Variants in CUX1 observed in about 807,000 individuals in gnomAD.
CUX1 encodes the protein cut like homeobox 1.
A neutral mutation model predicts 158.8 loss-of-function variants in CUX1; 31 were observed. That is an observed-to-expected ratio of 0.20 (90% CI 0.15 to 0.26). CUX1 has a LOEUF of 0.26. Among genes scored for constraint, CUX1 ranks in the 10% least tolerant of loss-of-function variants. The pLI is 1.00. For synonymous variants in CUX1, 879 were observed against 862.1 expected, an observed-to-expected ratio of 1.02 and a Z score of -0.34; for missense variants, 1,589 against 2,014.6, an observed-to-expected ratio of 0.79 and a Z score of 4.04.
In CUX1 at chr7:102,228,996, G is replaced by A. The variant is rs574214897; in HGVS notation, c.3433+1327G>A. Reference sequence around the variant, plus strand: ...CCCTCCACGAAACTGGAGTAACCACGCCTGCCTGGGAGCAGTGAGTAGCAG... The same window carrying A: ...CCCTCCACGAAACTGGAGTAACCACACCTGCCTGGGAGCAGTGAGTAGCAG... On this transcript the variant is annotated intron_variant, in intron 21 of 23. Transcript: ENST00000292535. 5.9e-5 allele frequency among the ~76,000 whole-genome samples: 9 copies of A among 152,300 alleles called. No homozygotes were observed. In the East Asian group the frequency reaches 1.7e-3, roughly 29 times the overall value.
intron 9 of CUX1, among the ~76,000 whole-genome samples, chr7:102,164,494 C>T (rs879982172): frequency 2.6e-5 from 4 of 152,212 alleles, no homozygotes; most frequent in Admixed American, 1.3e-4. Context: ...TCTTCCTGTT[C>T]ACCTGCCTGG....
At chr7:101,934,607 G>A (rs567931544) in intron 2 of CUX1, among the ~76,000 whole-genome samples, 3 of 152,238 alleles carry the variant, frequency 2.0e-5, no homozygotes, top group East Asian at 3.9e-4. Context: ...TTTGGTAGAC[G>A]AGAAACACAT....
intron 3 of CUX1, among the ~76,000 whole-genome samples, chr7:102,060,209 C>T (rs368221886): frequency 8.7e-5 from 13 of 148,738 alleles, no homozygotes; most frequent in Admixed American, 2.0e-4. Context: ...ACCTGGGAGG[C>T]GGAGCTTGCA....
intron 1 of CUX1, among the ~76,000 whole-genome samples, chr7:101,884,257 G>A (rs997039554): frequency 6.6e-6 from 1 of 152,150 alleles, no homozygotes; most frequent in African/African-American, 2.4e-5. Context: ...TGATGTTTTG[G>A]TGTAAGCATA....
At chr7:101,843,942 C>A (rs534082741) in intron 1 of CUX1, among the ~76,000 whole-genome samples, 2 of 152,112 alleles carry the variant, frequency 1.3e-5, no homozygotes, top group African/African-American at 4.8e-5. Flanking sequence ...TAGAGCCAGA[C>A]GGCCATTTGC....
intron 4 of CUX1, among the ~76,000 whole-genome samples, chr7:102,077,946 T>G (rs1485825617): frequency 3.3e-5 from 5 of 152,192 alleles, no homozygotes; most frequent in Non-Finnish European, 7.3e-5. Context: ...TAGTAAAATA[T>G]TCAACTTGCA....
At chr7:102,110,266 A>C (rs1563256418) in intron 6 of CUX1, among the ~76,000 whole-genome samples, 1 of 152,204 alleles carries the variant, frequency 6.6e-6, no homozygotes, top group Non-Finnish European at 1.5e-5. Flanking sequence ...ATTTTGCTAT[A>C]CTATGTGACA....
At chr7:102,075,882 G>A (rs1463664901) in intron 4 of CUX1, among the ~76,000 whole-genome samples, 5 of 152,168 alleles carry the variant, frequency 3.3e-5, no homozygotes, top group African/African-American at 7.2e-5. Flanking sequence ...GTGCATCTGA[G>A]GACTTCGGCT....
At chr7:101,951,565 G>A (rs1211965104) in intron 2 of CUX1, among the ~76,000 whole-genome samples, 1 of 151,852 alleles carries the variant, frequency 6.6e-6, no homozygotes, top group Non-Finnish European at 1.5e-5. Context: ...GAGCGCAGTG[G>A]CATGATCTCG....
At chr7:102,073,766 CTTA>C (rs1202251721) in intron 4 of CUX1, among the ~76,000 whole-genome samples, 1 of 151,828 alleles carries the variant, frequency 6.6e-6, no homozygotes, top group Non-Finnish European at 1.5e-5. Flanking sequence ...TATTATGATT[CTTA>C]TTATTACCAT....
chr7:101,895,897 TTTTTGTTTTTG>T (rs1000593576), intron 1 of CUX1, among the ~76,000 whole-genome samples: 44 of 67,204 alleles, frequency 6.5e-4, no homozygotes, highest in South Asian at 2.7e-3. Flanking sequence ...TAAAGTTTTT[TTTTTGTTTTTG>T]TTTTTTTTTT....
chr7:102,001,410 C>A (rs1163160100), intron 2 of CUX1, among the ~76,000 whole-genome samples: 2 of 152,202 alleles, frequency 1.3e-5, no homozygotes, highest in Non-Finnish European at 2.9e-5. Flanking sequence ...GTGGTACGAT[C>A]TCAGCTCACT....
chr7:101,902,250 C>T lies in CUX1; in HGVS notation c.31-13865C>T, dbSNP rs913289564. ...TCTCCTGCTATGATTTCGACAAAGC[C>T]GGTCAGTCATCTGATCATCAGCTTC... On this transcript the variant is annotated intron_variant, in intron 1 of 23. Transcript: ENST00000292535. Among the ~76,000 whole-genome samples, 5 of 152,134 alleles carry T rather than the reference C, an allele frequency of 3.3e-5. No individual in the cohort carries two copies. The East Asian group carries it at 9.6e-4, about 29-fold the overall frequency.
intron 2 of CUX1, among the ~76,000 whole-genome samples, chr7:101,935,598 T>C (rs1806828943): frequency 6.6e-6 from 1 of 152,194 alleles, no homozygotes; most frequent in South Asian, 2.1e-4. Context: ...ACCATTTTGT[T>C]CTAAAGTAGT....
At chr7:102,157,950 A>G (rs1554505807) in intron 8 of CUX1, among the ~76,000 whole-genome samples, 1 of 152,182 alleles carries the variant, frequency 6.6e-6, no homozygotes, top group African/African-American at 2.4e-5. Flanking sequence ...ATAGCAATGA[A>G]CCCAGGCTGT....
At chr7:101,979,290 G>A (rs1813112644) in intron 2 of CUX1, among the ~76,000 whole-genome samples, 1 of 152,086 alleles carries the variant, frequency 6.6e-6, no homozygotes, top group Non-Finnish European at 1.5e-5. Context: ...GGGGCTCTGA[G>A]ACCCTCACCC....
chr7:102,247,077 C>G (rs949317075), intron 23 of CUX1, among the ~76,000 whole-genome samples: 2 of 152,130 alleles, frequency 1.3e-5, no homozygotes, highest in African/African-American at 2.4e-5. Context: ...ACCTGTGGTC[C>G]TAGCTACTCA....
chr7:102,102,570 A>G (rs1438577651), intron 5 of CUX1, among the ~76,000 whole-genome samples: 1 of 152,142 alleles, frequency 6.6e-6, no homozygotes, highest in Non-Finnish European at 1.5e-5. Flanking sequence ...CACACCTGGC[A>G]GGTGCCCTTG....
At chr7:102,198,128 C>T (rs1184252065) in intron 15 of CUX1, among the ~76,000 whole-genome samples, 1 of 152,080 alleles carries the variant, frequency 6.6e-6, no homozygotes, top group Non-Finnish European at 1.5e-5. Context: ...GGCGTGGTGG[C>T]GTGTACCTGT....
Sources: allele counts gnomAD v4.1 joint callset (sites outside exome capture counted in the v4.1 genomes callset), GRCh38; gene constraint gnomAD v4.1.1; transcripts MANE v1.5; gene names NCBI Gene and HGNC (gene_info 2026-07-23, HGNC 2026-07-21).